EXOC4: variants seen among roughly 807,000 people sequenced by gnomAD.
EXOC4 encodes the protein exocyst complex component 4.
A neutral mutation model predicts 107.2 loss-of-function variants in EXOC4; 71 were observed. The observed-to-expected ratio is 0.66, with a 90% CI of 0.55 to 0.81. The LOEUF is 0.81. Among genes scored for constraint, EXOC4 ranks in the 30% least tolerant of loss-of-function variants. The pLI, the probability that EXOC4 is intolerant of heterozygous loss-of-function variation, is 0.00. For synonymous variants in EXOC4, 456 were observed against 441.2 expected, an observed-to-expected ratio of 1.03 and a Z score of -0.42; for missense variants, 1,108 against 1,189.6, an observed-to-expected ratio of 0.93 and a Z score of 1.01.
intron 11 of EXOC4, among the ~76,000 whole-genome samples, chr7:133,826,515 C>G (rs1321952390): frequency 6.6e-6 from 1 of 152,146 alleles, no homozygotes; most frequent in Non-Finnish European, 1.5e-5. Context: ...CTTGCCCAGA[C>G]TTCCTCCAAA....
chr7:133,283,554 A>G (rs1339221295), intron 2 of EXOC4, among the ~76,000 whole-genome samples: 1 of 152,186 alleles, frequency 6.6e-6, no homozygotes, highest in Non-Finnish European at 1.5e-5. Context: ...GTTGGATCAT[A>G]TGGTAGTTCT....
At chr7:133,405,814 T>C (rs963630924) in intron 7 of EXOC4, among the ~76,000 whole-genome samples, 3 of 152,206 alleles carry the variant, frequency 2.0e-5, no homozygotes, top group Non-Finnish European at 2.9e-5. Flanking sequence ...GCACACACTG[T>C]CTTGCTCTCT....
intron 13 of EXOC4, among the ~76,000 whole-genome samples, chr7:133,922,747 G>A (rs886648094): frequency 6.6e-6 from 1 of 152,090 alleles, no homozygotes; most frequent in Non-Finnish European, 1.5e-5. Context: ...TACTCAGGAG[G>A]CTGAGGCAGG....
chr7:133,434,104 ATTCCT>A (rs1797913059), intron 7 of EXOC4, among the ~76,000 whole-genome samples: 1 of 152,196 alleles, frequency 6.6e-6, no homozygotes, highest in Admixed American at 6.5e-5. Context: ...TCTTGGGCTA[ATTCCT>A]TTACTGTGCC....
chr7:133,668,164 A>T (rs1412525422), intron 10 of EXOC4, among the ~76,000 whole-genome samples: 2 of 152,254 alleles, frequency 1.3e-5, no homozygotes. Flanking sequence ...TGTCAAAGGA[A>T]GTGCAATGAA....
intron 10 of EXOC4, among the ~76,000 whole-genome samples, chr7:133,647,409 A>G (rs1191653478): frequency 6.6e-6 from 1 of 152,152 alleles, no homozygotes; most frequent in Non-Finnish European, 1.5e-5. Flanking sequence ...AACACTTTGC[A>G]TGTAGTATCT....
chr7:133,331,621 T>A (rs1017545453), intron 5 of EXOC4, among the ~76,000 whole-genome samples: 11 of 151,922 alleles, frequency 7.2e-5, no homozygotes, highest in Admixed American at 4.6e-4. Flanking sequence ...GCCCGCCACC[T>A]CGCCCGGCTA....
intron 10 of EXOC4, among the ~76,000 whole-genome samples, chr7:133,651,717 C>T (rs1803158709): frequency 1.3e-5 from 2 of 152,154 alleles, no homozygotes; most frequent in Admixed American, 6.5e-5. Flanking sequence ...TGGAGTCTTG[C>T]TCTGTCGCCC....
intron 7 of EXOC4, among the ~76,000 whole-genome samples, chr7:133,469,556 A>T (rs1459578713): frequency 2.6e-5 from 4 of 152,216 alleles, no homozygotes; most frequent in African/African-American, 9.6e-5. Flanking sequence ...ATTTTGGTAT[A>T]AATGTCAATA....
chr7:133,900,569 C>T (rs117535158), intron 12 of EXOC4, among the ~76,000 whole-genome samples: 2,384 of 152,142 alleles, frequency 0.016, 31 homozygotes, highest in Non-Finnish European at 0.026. Flanking sequence ...TGGAGTGCCA[C>T]GTGCACACCT....
intron 7 of EXOC4, among the ~76,000 whole-genome samples, chr7:133,452,382 G>A (rs947016371): frequency 2.0e-5 from 3 of 151,884 alleles, no homozygotes; most frequent in African/African-American, 7.3e-5. Flanking sequence ...GAGCAAATGT[G>A]TACCTTAGAA....
At chr7:133,264,590 TG>T (rs776344537) in intron 1 of EXOC4, among the ~76,000 whole-genome samples, 1 of 152,130 alleles carries the variant, frequency 6.6e-6, no homozygotes. Context: ...GGTTATGCTT[TG>T]AGGGAAGCCG....
chr7:133,417,281 G>T (rs940360705), intron 7 of EXOC4, among the ~76,000 whole-genome samples: 2 of 152,156 alleles, frequency 1.3e-5, no homozygotes, highest in African/African-American at 4.8e-5. Flanking sequence ...CCAGTCAAAA[G>T]AAATCACCAG....
chr7:134,088,216 AAC>A, the EXOC4 span, among the ~76,000 whole-genome samples: 5 of 152,218 alleles, frequency 3.3e-5, no homozygotes, highest in African/African-American at 9.6e-5. Context: ...CTTAAAGGAA[AAC>A]ACACCATTCC....
At chr7:133,443,491 G>T (rs1365075364) in intron 7 of EXOC4, among the ~76,000 whole-genome samples, 1 of 152,162 alleles carries the variant, frequency 6.6e-6, no homozygotes, top group African/African-American at 2.4e-5. Context: ...TGTCACTTCA[G>T]TCTGGTGGTA....
intron 8 of EXOC4, among the ~76,000 whole-genome samples, chr7:133,476,746 C>T (rs1340349072): frequency 6.6e-6 from 1 of 152,154 alleles, no homozygotes; most frequent in Non-Finnish European, 1.5e-5. Context: ...TAACATAAAA[C>T]TTTAAATACA....
chr7:133,392,812 G>A (rs1011344387), intron 7 of EXOC4, among the ~76,000 whole-genome samples: 4 of 152,080 alleles, frequency 2.6e-5, no homozygotes, highest in Non-Finnish European at 4.4e-5. Context: ...CATTACAAAT[G>A]GTCTGTATTT....
chr7:133,830,074 G>A (rs1477936933), intron 11 of EXOC4, among the ~76,000 whole-genome samples: 1 of 152,122 alleles, frequency 6.6e-6, no homozygotes, highest in African/African-American at 2.4e-5. Flanking sequence ...CTTGCAAATA[G>A]CTACAAAGTC....
intron 10 of EXOC4, among the ~76,000 whole-genome samples, chr7:133,653,003 T>C (rs1287777179): frequency 1.5e-4 from 23 of 152,200 alleles, no homozygotes; most frequent in Admixed American, 1.5e-3. Context: ...ATTTTGGCAA[T>C]GCTTACAATT....
Sources: gnomAD v4.1 joint callset for allele counts (sites outside exome capture counted in the v4.1 genomes callset) on GRCh38, gnomAD v4.1.1 for gene constraint, MANE v1.5 for transcripts, NCBI Gene and HGNC (gene_info 2026-07-23, HGNC 2026-07-21) for gene names.